IL31RA: variants seen among roughly 807,000 people sequenced by gnomAD.
The protein encoded by IL31RA is interleukin 31 receptor A.
Under a neutral mutation model 83.7 loss-of-function variants are expected in IL31RA, and 66 were observed. That is an observed-to-expected ratio of 0.79 (90% CI 0.65 to 0.97). IL31RA has a LOEUF of 0.97. Ranked by LOEUF, IL31RA falls within the 50% of genes least tolerant of loss-of-function variation. The pLI, the probability that IL31RA is intolerant of heterozygous loss-of-function variation, is 0.00. For missense variants in IL31RA, 798 were observed against 919.4 expected, an observed-to-expected ratio of 0.87 and a Z score of 1.71; for synonymous variants, 325 against 329.0, an observed-to-expected ratio of 0.99 and a Z score of 0.13.
chr5:55,845,429 G>GCTCCTGTAAAATAGTTT, the IL31RA span, among the ~76,000 whole-genome samples: 1 of 151,526 alleles, frequency 6.6e-6, no homozygotes. Context: ...ATTAGGTTAG[G>GCTCCTGTAAAATAGTTT]CTCTTGAGGG....
intron 2 of IL31RA, among the ~76,000 whole-genome samples, chr5:55,867,249 G>GTGTGTGTT (rs1746201761): frequency 1.3e-5 from 1 of 79,244 alleles, no homozygotes; most frequent in African/African-American, 5.4e-5. Flanking sequence ...GTGTGTTTGT[G>GTGTGTGTT]TGTGCGTGTG....
chr5:55,859,612 G>A lies in IL31RA; in HGVS notation c.154+13G>A, dbSNP rs772420218. 3.2e-6 allele frequency: 5 copies of A among 1,563,220 alleles called. No homozygotes were observed. In the South Asian group the frequency reaches 5.6e-5, roughly 17 times the overall value. On this transcript the variant is annotated intron_variant, in intron 2 of 14. Transcript: ENST00000652347. ...TTCAGCCTGGCAGGTAGGTTGACCT[G>A]GGCCCTTTTACAGATCATGTGATTA... is the stretch of plus-strand genomic sequence containing the variant.
rs957079255 is a variant in IL31RA, at chr5:55,867,157, T to G, written c.155-1634T>G. Among the ~76,000 whole-genome samples the G allele has an allele frequency of 2.0e-3, 108 of 54,988 alleles. 1 individual carries two copies. Among genetic ancestry groups the G allele is most frequent in the Non-Finnish European group, 3.1e-3 (74 of 23,910 alleles). 36.1% of individuals were successfully genotyped at this position (54,988 alleles called of 152,430 possible). ...TGTGCATGTGTGTGTGCATGTGTGTTTGTGTGTGTGCATGTGTGTGTGCAT... is the reference window on the plus strand; with the variant it reads ...TGTGCATGTGTGTGTGCATGTGTGTGTGTGTGTGTGCATGTGTGTGTGCAT... On this transcript the variant is annotated intron_variant, in intron 2 of 14. Coordinates refer to ENST00000652347, the MANE Select transcript of IL31RA (RefSeq NM_139017.7).
intron 11 of IL31RA, chr5:55,909,044 C>G (rs929153464): frequency 3.6e-6 from 1 of 277,762 alleles, no homozygotes; most frequent in Non-Finnish European, 5.6e-6. Context: ...TTAGTCACTC[C>G]CCATTCCTCT....
intron 6 of IL31RA, among the ~76,000 whole-genome samples, chr5:55,894,292 G>A (rs1454236634): frequency 6.6e-6 from 1 of 152,066 alleles, no homozygotes; most frequent in Non-Finnish European, 1.5e-5. Flanking sequence ...CTGTCTTCTG[G>A]GAGGAACTTG....
chr5:55,895,120 C>A (rs182198794), intron 6 of IL31RA, among the ~76,000 whole-genome samples: 4 of 152,334 alleles, frequency 2.6e-5, no homozygotes, highest in Admixed American at 2.0e-4. Context: ...GAGTGGTAGA[C>A]TCATTCTTTG....
At chr5:55,901,984 T>A (rs1446630595) in intron 8 of IL31RA, among the ~76,000 whole-genome samples, 1 of 152,204 alleles carries the variant, frequency 6.6e-6, no homozygotes, top group Non-Finnish European at 1.5e-5. Flanking sequence ...ACTTTAAAAA[T>A]ATTATAAAAT....
At chr5:55,870,057 TTTCTC>T (rs1039014353) in intron 3 of IL31RA, among the ~76,000 whole-genome samples, 2 of 152,152 alleles carry the variant, frequency 1.3e-5, no homozygotes, top group African/African-American at 4.8e-5. Flanking sequence ...AGTCAGCAAA[TTTCTC>T]TTCTAAAGGG....
the IL31RA span, chr5:55,840,097 A>T: frequency 3.0e-6 from 1 of 331,512 alleles, no homozygotes; most frequent in Non-Finnish European, 5.8e-6. Flanking sequence ...GAAATGGCCC[A>T]CTTCTTAATT....
intron 12 of IL31RA, among the ~76,000 whole-genome samples, chr5:55,911,514 A>G (rs920712223): frequency 2.0e-5 from 3 of 152,202 alleles, no homozygotes; most frequent in African/African-American, 4.8e-5. Flanking sequence ...GCAAAAAGAC[A>G]TATGATATAT....
At chr5:55,894,558 C>T (rs114140892) in intron 6 of IL31RA, among the ~76,000 whole-genome samples, 1 of 152,152 alleles carries the variant, frequency 6.6e-6, no homozygotes, top group Non-Finnish European at 1.5e-5. Flanking sequence ...GATCCTGGGC[C>T]TAACAGCTAG....
chr5:55,851,624 G>A lies in IL31RA; in HGVS notation c.54G>A (p.Pro18=), dbSNP rs140079651. 8.3e-3 allele frequency: 13,373 copies of A among 1,613,812 alleles called. 72 individuals carry two copies. Among genetic ancestry groups the A allele is most frequent in the Non-Finnish European group, 9.8e-3 (11,525 of 1,179,826 alleles). The change falls in exon 1 of 15, where the codon CCG becomes CCA. Residue 18 remains proline (P), a synonymous_variant. Coordinates refer to ENST00000652347, the MANE Select transcript of IL31RA (RefSeq NM_139017.7). ...FFTTACVCEC[P]QNILSPQPSC... ...CCACGGCATGTGTCTGTGAATGTCC[G>A]CAAAACATTGTGAGTATTGATTTGG...
chr5:55,922,593 A>G lies in IL31RA; in HGVS notation c.*5473A>G. ...CACACATGGACCACCTACGGATGCA[A>G]TCTGTAATGCATGTGCATGAGAAGT... On this transcript the variant is annotated 3_prime_UTR_variant, in exon 15 of 15. Coordinates refer to ENST00000652347, the MANE Select transcript of IL31RA (RefSeq NM_139017.7). 1 of 607,106 alleles carries G rather than the reference A, an allele frequency of 1.6e-6. No individual in the cohort carries two copies. Among genetic ancestry groups the G allele is most frequent in the South Asian group, 2.2e-5 (1 of 46,128 alleles). The allele number at this position is 607,106 out of a possible 1,614,324, so 37.6% of individuals were successfully genotyped here.
At chr5:55,844,205 G>GA in the IL31RA span, among the ~76,000 whole-genome samples, 2 of 151,920 alleles carry the variant, frequency 1.3e-5, no homozygotes, top group Non-Finnish European at 2.9e-5. Flanking sequence ...AGTGTTAAGA[G>GA]AAAAAAACCC....
Position 55,920,446 on chromosome 5 carries a change from C to A in IL31RA, c.*3326C>A, listed in dbSNP as rs1006375712. 6.6e-5 allele frequency among the ~76,000 whole-genome samples: 10 copies of A among 152,312 alleles called. No homozygotes were observed. The highest frequency in any genetic ancestry group is 2.4e-4 in the African/African-American group (10 of 41,566). On this transcript the variant is annotated 3_prime_UTR_variant, in exon 15 of 15. Transcript: ENST00000652347. The stretch of plus-strand genomic sequence containing the variant: ...AAACAAAAAGAATAACATTTTGTGA[C>A]AAGAAAAGTCCAAGAAATTCACGTA...
chr5:55,867,139 G>GTGTGTGCATGTGTGTGTGTGTGTGCA (rs371523663), intron 2 of IL31RA, among the ~76,000 whole-genome samples: 1 of 51,382 alleles, frequency 1.9e-5, no homozygotes, highest in African/African-American at 7.1e-5. Flanking sequence ...GTGTGTGCAT[G>GTGTGTGCATGTGTGTGTGTGTGTGCA]TGTGTGTGCA....
intron 4 of IL31RA, among the ~76,000 whole-genome samples, chr5:55,877,787 T>C (rs2112411715): frequency 6.6e-6 from 1 of 152,338 alleles, no homozygotes; most frequent in Admixed American, 6.5e-5. Flanking sequence ...GGTTTGGTTG[T>C]AATGTGTCTT....
chr5:55,900,479 C>T (rs573336003), intron 8 of IL31RA, among the ~76,000 whole-genome samples: 6 of 152,154 alleles, frequency 3.9e-5, no homozygotes, highest in Non-Finnish European at 8.8e-5. Context: ...ATTTGTCCTC[C>T]GTGACCGAAG....
Position 55,868,801 on chromosome 5 carries a change from T to C in IL31RA, c.165T>C (p.Ala55=). The C allele has an allele frequency of 1.9e-6, 3 of 1,595,830 alleles. No individual in the cohort carries two copies. The highest frequency in any genetic ancestry group is 2.6e-6 in the Non-Finnish European group (3 of 1,163,494). ...LCKFSLAALP[A]KPENISCVYY... ...GTTTAATTTATTTAGCTCTGCCAGC[T>C]AAGCCTGAGAACATTTCCTGTGTCT... is the stretch of plus-strand genomic sequence containing the variant. The change falls in exon 3 of 15, where the codon GCT becomes GCC. Residue 55 remains alanine (A), a synonymous_variant. Coordinates refer to ENST00000652347, the MANE Select transcript of IL31RA (RefSeq NM_139017.7).
Sources: gnomAD v4.1 joint callset for allele counts (sites outside exome capture counted in the v4.1 genomes callset) on GRCh38, gnomAD v4.1.1 for gene constraint, MANE v1.5 for transcripts, NCBI Gene and HGNC (gene_info 2026-07-23, HGNC 2026-07-21) for gene names.